Variants in B3GLCT observed in about 807,000 individuals in gnomAD.
The protein encoded by B3GLCT is beta-1,3-glucosyltransferase.
A neutral mutation model predicts 63.4 loss-of-function variants in B3GLCT; 65 were observed. The observed-to-expected ratio is 1.03, with a 90% CI of 0.84 to 1.26. The LOEUF (loss-of-function observed/expected upper bound fraction) is 1.26. Among genes scored for constraint, B3GLCT ranks in the 50% most tolerant of loss-of-function variants. B3GLCT has a pLI of 0.00. For missense variants in B3GLCT, 577 were observed against 604.8 expected, an observed-to-expected ratio of 0.95 and a Z score of 0.48; for synonymous variants, 233 against 219.2, an observed-to-expected ratio of 1.06 and a Z score of -0.55.
chr13:31,250,053 A>G (rs1284144111), intron 6 of B3GLCT, among the ~76,000 whole-genome samples: 1 of 152,178 alleles, frequency 6.6e-6, no homozygotes, highest in Non-Finnish European at 1.5e-5. Flanking sequence ...ATCTTTATTA[A>G]ATTGCCTTCC....
intron 1 of B3GLCT, among the ~76,000 whole-genome samples, chr13:31,207,622 T>A (rs1055819873): frequency 6.6e-6 from 1 of 152,232 alleles, no homozygotes; most frequent in Non-Finnish European, 1.5e-5. Context: ...ATAGAATATG[T>A]TGGTCTCATC....
chr13:31,263,189 T>C (rs1031309831), intron 7 of B3GLCT, among the ~76,000 whole-genome samples: 1 of 152,210 alleles, frequency 6.6e-6, no homozygotes, highest in East Asian at 1.9e-4. Flanking sequence ...CAAATCCTTA[T>C]AGTCTAGAGT....
At chr13:31,324,007 G>GT in intron 14 of B3GLCT, 112 bp downstream of exon 14, 1 of 1,329,054 alleles carries the variant, frequency 7.5e-7, no homozygotes, top group South Asian at 1.2e-5. Flanking sequence ...TAAGAACTGT[G>GT]TTGACAGGCT....
intron 7 of B3GLCT, among the ~76,000 whole-genome samples, chr13:31,261,776 C>A (rs775597797): frequency 1.1e-4 from 17 of 152,146 alleles, no homozygotes; most frequent in Non-Finnish European, 2.2e-4. Flanking sequence ...TGTCCTGTCT[C>A]TAGGATTTGG....
chr13:31,249,578 G>A (rs1871334814), intron 6 of B3GLCT, among the ~76,000 whole-genome samples: 1 of 152,084 alleles, frequency 6.6e-6, no homozygotes, highest in Admixed American at 6.5e-5. Flanking sequence ...CTCTAATTCT[G>A]TACAGGAGAT....
chr13:31,247,202 A>C (rs1871237083), intron 5 of B3GLCT, 103 bp downstream of exon 5: 1 of 902,276 alleles, frequency 1.1e-6, no homozygotes, highest in East Asian at 2.5e-5. Flanking sequence ...TCAGTCAGTA[A>C]GTGAAGTAAA....
Position 31,269,254 on chromosome 13 carries a change from T to C in B3GLCT, c.637T>C (p.Phe213Leu), listed in dbSNP as rs1333781540. The C allele has an allele frequency of 1.9e-6, 3 of 1,608,002 alleles. No individual in the cohort carries two copies. The highest frequency in any genetic ancestry group is 2.6e-6 in the Non-Finnish European group (3 of 1,174,836). The change falls in exon 8 of 15, where the codon TTT becomes CTT. Residue 213 changes from phenylalanine to leucine, a missense_variant. Phe to Leu is a conservative substitution (Grantham distance 22). Coordinates refer to ENST00000343307, the MANE Select transcript of B3GLCT (RefSeq NM_194318.4). ...AAAGAGTGAATCCTTGAAATCCGAC[T>C]TTACAATAGATTTAAAACATGAGGT... ...RLKSESLKSD[F>L]TIDLKHEIAL...
chr13:31,215,562 C>T (rs1011209008), intron 2 of B3GLCT, among the ~76,000 whole-genome samples: 5 of 152,144 alleles, frequency 3.3e-5, no homozygotes, highest in Admixed American at 6.5e-5. Context: ...TACAGGCATG[C>T]GCCACCATGC....
At chr13:31,274,982 C>T (rs185511790) in intron 9 of B3GLCT, among the ~76,000 whole-genome samples, 30 of 152,302 alleles carry the variant, frequency 2.0e-4, no homozygotes, top group Admixed American at 5.2e-4. Context: ...CATTAATTCA[C>T]GTAGGATAAT....
chr13:31,304,230 A>G (rs1309394303), intron 12 of B3GLCT, among the ~76,000 whole-genome samples: 6 of 43,258 alleles, frequency 1.4e-4, no homozygotes, highest in African/African-American at 5.3e-4. Flanking sequence ...ATCATGCCAA[A>G]ATGTAAAGAC....
Position 31,200,020 on chromosome 13 carries a change from A to T in B3GLCT, c.-65A>T. 9.5e-7 allele frequency: 1 copy of T among 1,053,828 alleles called. No homozygotes were observed. The allele number at this position is 1,053,828 out of a possible 1,614,324, so 65.3% of individuals were successfully genotyped here. A position where few individuals can be genotyped will look rare whatever the true frequency, so the allele number is the denominator to read the frequency against. On this transcript the variant is annotated 5_prime_UTR_variant, in exon 1 of 15. Transcript: ENST00000343307. ...GGCAGGGCGGCGGCGGCAGCGGCGCAGCTCCGCTCCCCGCGCGTCTCCCTT... is the reference window on the plus strand; with the variant it reads ...GGCAGGGCGGCGGCGGCAGCGGCGCTGCTCCGCTCCCCGCGCGTCTCCCTT...
intron 1 of B3GLCT, among the ~76,000 whole-genome samples, chr13:31,210,495 T>C (rs902980680): frequency 6.6e-6 from 1 of 152,228 alleles, no homozygotes; most frequent in Admixed American, 6.5e-5. Context: ...CCTTCTTTTC[T>C]TTGTCAGTCA....
rs1873354142 is a variant in B3GLCT, at chr13:31,286,755, T to G, written c.1000T>G (p.Phe334Val). The G allele has an allele frequency of 6.8e-6, 11 of 1,613,522 alleles. No homozygotes were observed. Among genetic ancestry groups the G allele is most frequent in the African/African-American group, 4.0e-5 (3 of 74,918 alleles). ...AAAGACATTTGCCATTTTGGAAAGA[T>G]TTCTGAATCGTAGCCAGGACAAAAC... ...CGKTFAILER[F>V]LNRSQDKTAW... Residue 334 changes from phenylalanine (F) to valine (V), a missense_variant, in exon 12 of 15, where the codon TTT (phenylalanine) becomes GTT (valine). By Grantham distance (50) the Phe-to-Val change is conservative (BLOSUM62 -1). Coordinates refer to ENST00000343307, the MANE Select transcript of B3GLCT (RefSeq NM_194318.4).
intron 6 of B3GLCT, among the ~76,000 whole-genome samples, chr13:31,257,006 A>G (rs1398514875): frequency 6.6e-6 from 1 of 152,162 alleles, no homozygotes; most frequent in Non-Finnish European, 1.5e-5. Context: ...TAATGAAATC[A>G]TTAATAAAGT....
rs374075796 is a variant in B3GLCT at position 31,223,035 on chromosome 13, A to G, written c.160+44A>G. The G allele has an allele frequency of 4.6e-5, 55 of 1,203,772 alleles. No homozygotes were observed. The African/African-American group carries it at 6.6e-4, about 14-fold the overall frequency. The allele number at this position is 1,203,772 out of a possible 1,614,324, so 74.6% of individuals were successfully genotyped here. A position where few individuals can be genotyped will look rare whatever the true frequency, so the allele number is the denominator to read the frequency against. On this transcript the variant is annotated intron_variant, in intron 3 of 14. Transcript: ENST00000343307. ...TACCTAAGAGTGTGTACTTAGGTAT[A>G]TTTTGTATGAATTATATTTCCATGA...
chr13:31,329,780 T>A lies in B3GLCT; in HGVS notation c.*112T>A. ...TGTCTGCCACATGGCATTGGGTGCTTCCTGACTTTAGGGGGAGATTTTATG... is the reference window on the plus strand; with the variant it reads ...TGTCTGCCACATGGCATTGGGTGCTACCTGACTTTAGGGGGAGATTTTATG... On this transcript the variant is annotated 3_prime_UTR_variant, in exon 15 of 15. Coordinates refer to ENST00000343307, the MANE Select transcript of B3GLCT (RefSeq NM_194318.4). 8.1e-7 allele frequency: 1 copy of A among 1,236,330 alleles called. No individual in the cohort carries two copies. Among genetic ancestry groups the A allele is most frequent in the East Asian group, 2.4e-5 (1 of 41,162 alleles). The allele number at this position is 1,236,330 out of a possible 1,614,324, so 76.6% of individuals were successfully genotyped here.
intron 10 of B3GLCT, among the ~76,000 whole-genome samples, chr13:31,282,246 A>G (rs1379244345): frequency 2.6e-5 from 4 of 152,224 alleles, no homozygotes; most frequent in Admixed American, 2.6e-4. Context: ...AATAAAATAG[A>G]CCATTATTCT....
chr13:31,289,432 C>T (rs183283232), intron 12 of B3GLCT, among the ~76,000 whole-genome samples: 3 of 152,152 alleles, frequency 2.0e-5, no homozygotes, highest in Admixed American at 6.5e-5. Flanking sequence ...AAGGACTTCA[C>T]ATGGCATATT....
intron 3 of B3GLCT, among the ~76,000 whole-genome samples, 162 bp from the exon 4 acceptor site, chr13:31,229,021 AAG>A (rs149917403): frequency 0.015 from 2,349 of 152,338 alleles, 66 homozygotes; most frequent in African/African-American, 0.054. Context: ...ACAGTTTAAA[AAG>A]AGAGAAAATT....
Sources: gnomAD v4.1 joint callset for allele counts (sites outside exome capture counted in the v4.1 genomes callset) on GRCh38, gnomAD v4.1.1 for gene constraint, MANE v1.5 for transcripts, NCBI Gene and HGNC (gene_info 2026-07-23, HGNC 2026-07-21) for gene names.